PRKCB: variants seen among roughly 807,000 people sequenced by gnomAD.
PRKCB encodes the protein protein kinase C beta type.
A neutral mutation model predicts 81.5 loss-of-function variants in PRKCB; 13 were observed. That is an observed-to-expected ratio of 0.16 (90% CI 0.10 to 0.25). The LOEUF is 0.25. Among genes scored for constraint, PRKCB ranks in the 10% least tolerant of loss-of-function variants. The probability of loss-of-function intolerance (pLI) is 1.00; values close to 1 mark genes in which losing one functional copy is unlikely to be tolerated. For missense variants in PRKCB, 509 were observed against 875.7 expected (o/e 0.58, Z 5.29); for synonymous variants, 335 against 321.4 (o/e 1.04, Z -0.45).
In PRKCB at chr16:24,136,096, G is replaced by GGTT. The variant is rs1555498951; in HGVS notation, c.1065+12115_1065+12116insGTT. On this transcript the variant is annotated intron_variant, in intron 9 of 16. Transcript: ENST00000643927. Reference sequence around the variant, plus strand: ...TCATATGCAATTCTGATTGCAGCGTGTTTTTTTTTTTTTTTTTGCCAACTC... The same window carrying GGTT: ...TCATATGCAATTCTGATTGCAGCGTGGTTTTTTTTTTTTTTTTTTTGCCAACTC... Among the ~76,000 whole-genome samples, 10 of 118,090 alleles carry GGTT rather than the reference G, an allele frequency of 8.5e-5. 1 individual carries two copies. The highest frequency in any genetic ancestry group is 1.5e-4 in the African/African-American group (4 of 26,610). The allele number at this position is 118,090 out of a possible 152,430, so 77.5% of individuals were successfully genotyped here.
At chr16:24,171,460 CA>C (rs1967440433) in intron 10 of PRKCB, among the ~76,000 whole-genome samples, 1 of 152,122 alleles carries the variant, frequency 6.6e-6, no homozygotes, top group Non-Finnish European at 1.5e-5. Flanking sequence ...GTCATTTTTG[CA>C]GTATCCAATG....
chr16:24,162,958 A>G (rs1178244598), intron 10 of PRKCB, among the ~76,000 whole-genome samples: 3 of 152,212 alleles, frequency 2.0e-5, no homozygotes, highest in Admixed American at 2.0e-4. Context: ...AAAGCAGTCT[A>G]GAATAGATTT....
At chr16:24,173,013 G>A (rs2141966653) in intron 11 of PRKCB, among the ~76,000 whole-genome samples, 1 of 152,282 alleles carries the variant, frequency 6.6e-6, no homozygotes, top group South Asian at 2.1e-4. Flanking sequence ...TTGAAAGCTT[G>A]CCCAAAATCA....
chr16:23,976,317 G>A (rs185128391), intron 2 of PRKCB, among the ~76,000 whole-genome samples: 2 of 151,634 alleles, frequency 1.3e-5, no homozygotes, highest in Admixed American at 6.6e-5. Flanking sequence ...CACAAAAACC[G>A]CCCCCCCAAA....
intron 2 of PRKCB, among the ~76,000 whole-genome samples, chr16:23,849,875 A>G (rs941150877): frequency 6.6e-6 from 1 of 152,122 alleles, no homozygotes; most frequent in Non-Finnish European, 1.5e-5. Flanking sequence ...GAAATATATG[A>G]TACACTTATT....
intron 2 of PRKCB, among the ~76,000 whole-genome samples, chr16:23,924,393 G>C (rs1046836895): frequency 6.6e-6 from 1 of 151,904 alleles, no homozygotes; most frequent in African/African-American, 2.4e-5. Flanking sequence ...CGACTAATAC[G>C]CATGGCCATG....
intron 6 of PRKCB, among the ~76,000 whole-genome samples, 191 bp downstream of exon 6, chr16:24,093,138 A>G (rs890180397): frequency 6.6e-6 from 1 of 152,164 alleles, no homozygotes; most frequent in Admixed American, 6.5e-5. Context: ...TTGTGAGCCA[A>G]GAAAAAAAAT....
At chr16:24,030,341 G>A (rs1030300530) in intron 3 of PRKCB, among the ~76,000 whole-genome samples, 1 of 152,158 alleles carries the variant, frequency 6.6e-6, no homozygotes, top group Admixed American at 6.6e-5. Flanking sequence ...TGGGAGCGGG[G>A]GTGCGCTCTG....
At chr16:23,867,972 G>T (rs1221555072) in intron 2 of PRKCB, among the ~76,000 whole-genome samples, 1 of 79,442 alleles carries the variant, frequency 1.3e-5, no homozygotes, top group Non-Finnish European at 2.4e-5. Flanking sequence ...GTTGCTAAAA[G>T]CATCCATCAC....
chr16:23,938,488 TAA>T, intron 2 of PRKCB, among the ~76,000 whole-genome samples: 1 of 152,352 alleles, frequency 6.6e-6, no homozygotes, highest in South Asian at 2.1e-4. Flanking sequence ...ATAATTGTTA[TAA>T]GTCTCCAATT....
chr16:24,167,457 G>A (rs1055691172), intron 10 of PRKCB, among the ~76,000 whole-genome samples: 1 of 152,104 alleles, frequency 6.6e-6, no homozygotes, highest in Non-Finnish European at 1.5e-5. Context: ...CTACTGGAGA[G>A]GCTGAGACAG....
chr16:23,953,796 A>G (rs942792344), intron 2 of PRKCB, among the ~76,000 whole-genome samples: 1 of 152,208 alleles, frequency 6.6e-6, no homozygotes, highest in African/African-American at 2.4e-5. Flanking sequence ...GGCAATAAAT[A>G]AGACAGACCC....
intron 2 of PRKCB, among the ~76,000 whole-genome samples, chr16:23,954,312 A>G (rs1032276585): frequency 2.6e-5 from 4 of 152,148 alleles, no homozygotes; most frequent in Non-Finnish European, 5.9e-5. Flanking sequence ...GTGTCAGAGA[A>G]GGTCTCCTTG....
At chr16:24,049,752 G>A (rs1254764336) in intron 5 of PRKCB, among the ~76,000 whole-genome samples, 7 of 152,196 alleles carry the variant, frequency 4.6e-5, no homozygotes, top group Non-Finnish European at 1.0e-4. Context: ...GAGTGTTCAG[G>A]TTACACTGGA....
intron 2 of PRKCB, among the ~76,000 whole-genome samples, chr16:23,932,475 G>A (rs1312684324): frequency 6.6e-6 from 1 of 152,086 alleles, no homozygotes; most frequent in Non-Finnish European, 1.5e-5. Flanking sequence ...ACCTATGTTC[G>A]AACAATGTGA....
intron 2 of PRKCB, among the ~76,000 whole-genome samples, chr16:23,958,456 C>T (rs1964379415): frequency 6.6e-6 from 1 of 152,066 alleles, no homozygotes; most frequent in Non-Finnish European, 1.5e-5. Context: ...AGGCACCCAC[C>T]ACCATGCCCG....
At chr16:23,839,279 C>T (rs201677875) in intron 2 of PRKCB, among the ~76,000 whole-genome samples, 13 of 137,130 alleles carry the variant, frequency 9.5e-5, no homozygotes, top group South Asian at 2.3e-4. Context: ...ATAGGAGTGT[C>T]TTTTTTTTTT....
At chr16:24,074,220 T>C (rs1226148483) in intron 5 of PRKCB, among the ~76,000 whole-genome samples, 1 of 152,140 alleles carries the variant, frequency 6.6e-6, no homozygotes, top group African/African-American at 2.4e-5. Context: ...GTTATGGATT[T>C]CATAAGGGGC....
chr16:24,113,867 C>T (rs1377326760), intron 8 of PRKCB, among the ~76,000 whole-genome samples: 2 of 152,044 alleles, frequency 1.3e-5, no homozygotes, highest in African/African-American at 4.8e-5. Context: ...TGCTCATTCA[C>T]TGCCCACCAT....
Sources: allele counts gnomAD v4.1 joint callset (sites outside exome capture counted in the v4.1 genomes callset), GRCh38; gene constraint gnomAD v4.1.1; transcripts MANE v1.5; gene names NCBI Gene and HGNC (gene_info 2026-07-23, HGNC 2026-07-21).